IFT74: variants seen among roughly 807,000 people sequenced by gnomAD.
IFT74 encodes the protein intraflagellar transport protein 74 homolog.
IFT74 carries 92 observed loss-of-function variants against 96.7 expected under a neutral mutation model. The ratio of observed to expected loss-of-function variants is 0.95; its 90% CI spans 0.80 to 1.13. The LOEUF (loss-of-function observed/expected upper bound fraction) is 1.13, where lower values mean the gene tolerates loss of function less well. IFT74 is among the 50% of genes most tolerant of loss of function. The pLI is 0.00. For missense variants in IFT74, 811 were observed against 698.2 expected, an observed-to-expected ratio of 1.16 and a Z score of -1.82; for synonymous variants, 223 against 213.2, an observed-to-expected ratio of 1.05 and a Z score of -0.40.
intron 18 of IFT74, among the ~76,000 whole-genome samples, chr9:27,057,421 T>C (rs539171698): frequency 2.0e-5 from 3 of 152,330 alleles, no homozygotes; most frequent in Non-Finnish European, 4.4e-5. Context: ...ACTCAGCAAT[T>C]ATTTGTTGAA....
At chr9:27,054,922 T>C (rs1040331636) in intron 16 of IFT74, among the ~76,000 whole-genome samples, 2 of 152,214 alleles carry the variant, frequency 1.3e-5, no homozygotes, top group Admixed American at 1.3e-4. Flanking sequence ...CATAGCCTTA[T>C]GGAGAAAATG....
intron 8 of IFT74, 121 bp from the exon 9 acceptor site, chr9:27,008,899 T>C (rs1828916693): frequency 2.6e-6 from 2 of 758,608 alleles, no homozygotes; most frequent in Admixed American, 3.1e-5. Flanking sequence ...GACTTTTCAG[T>C]CACACACTGT....
At position 26,978,627 on chromosome 9, in the gene IFT74, A is replaced by C. The variant is rs77035983; in HGVS notation, c.256+364A>C. On this transcript the variant is annotated intron_variant, in intron 3 of 19. Transcript: ENST00000380062. ...AAGAACTTTGAAATAGTCTTGGAGA[A>C]AAGTTCAAGATTGAAAATTAGATTT... 1.0e-3 allele frequency among the ~76,000 whole-genome samples: 154 copies of C among 152,312 alleles called. 4 individuals carry two copies. In the East Asian group the frequency reaches 0.019, roughly 19 times the overall value.
At chr9:27,001,610 G>A (rs1477999730) in intron 8 of IFT74, among the ~76,000 whole-genome samples, 1 of 152,094 alleles carries the variant, frequency 6.6e-6, no homozygotes, top group East Asian at 1.9e-4. Flanking sequence ...TGTGTTTTTT[G>A]AGAAATATCT....
chr9:27,007,728 G>A (rs1438067460), intron 8 of IFT74, among the ~76,000 whole-genome samples: 3 of 152,178 alleles, frequency 2.0e-5, no homozygotes, highest in Admixed American at 2.0e-4. Flanking sequence ...AAGCTTAGCT[G>A]GTGATTGTGA....
chr9:27,026,208 C>G (rs1426584620), intron 12 of IFT74, among the ~76,000 whole-genome samples: 1 of 152,084 alleles, frequency 6.6e-6, no homozygotes, highest in Non-Finnish European at 1.5e-5. Flanking sequence ...ACAAAACAGA[C>G]TTTAACAACA....
intron 16 of IFT74, among the ~76,000 whole-genome samples, chr9:27,048,936 G>T (rs1488397760): frequency 6.6e-6 from 1 of 152,168 alleles, no homozygotes; most frequent in Non-Finnish European, 1.5e-5. Flanking sequence ...TAGTGTGGGA[G>T]GTGGGCCTAG....
chr9:26,978,026 T>C, intron 2 of IFT74, 102 bp from the exon 3 acceptor site: 2 of 889,674 alleles, frequency 2.2e-6, no homozygotes, highest in Non-Finnish European at 3.3e-6. Flanking sequence ...ACAAATCAAG[T>C]AGAATTTTGT....
At chr9:27,027,762 T>C (rs1028480914) in intron 12 of IFT74, among the ~76,000 whole-genome samples, 1 of 152,180 alleles carries the variant, frequency 6.6e-6, no homozygotes, top group African/African-American at 2.4e-5. Flanking sequence ...ATTCTATGAA[T>C]TATCTTTTCA....
rs988829241 is a variant in IFT74, at chr9:27,009,673, A to C, written c.726+515A>C. 2.0e-5 allele frequency among the ~76,000 whole-genome samples: 3 copies of C among 149,268 alleles called. No individual in the cohort carries two copies. In the South Asian group the frequency reaches 6.3e-4, roughly 32 times the overall value. On this transcript the variant is annotated intron_variant, in intron 9 of 19. Coordinates refer to ENST00000380062, the MANE Select transcript of IFT74 (RefSeq NM_025103.4). ...GGCAACAGAGCGAGACTCTGTCTCA[A>C]AAAAAAAAAGGCCTCATAGACCAGA...
chr9:26,992,629 G>A (rs1458425178), intron 8 of IFT74, among the ~76,000 whole-genome samples: 1 of 151,994 alleles, frequency 6.6e-6, no homozygotes, highest in African/African-American at 2.4e-5. Flanking sequence ...GGAGGCGGAG[G>A]GTTCAGTAAG....
At chr9:27,012,017 T>G (rs975128762) in intron 10 of IFT74, 49 bp downstream of exon 10, 9 of 1,190,476 alleles carry the variant, frequency 7.6e-6, no homozygotes, top group African/African-American at 1.6e-5. Flanking sequence ...GCTAAAAAAG[T>G]TAATTCAGCC....
intron 13 of IFT74, among the ~76,000 whole-genome samples, chr9:27,042,969 C>T (rs887732390): frequency 1.3e-5 from 2 of 152,208 alleles, no homozygotes; most frequent in Non-Finnish European, 2.9e-5. Context: ...TATATAAACA[C>T]ACACACATAT....
At chr9:27,021,689 TC>T (rs933302867) in intron 12 of IFT74, among the ~76,000 whole-genome samples, 9 of 152,172 alleles carry the variant, frequency 5.9e-5, no homozygotes, top group African/African-American at 2.2e-4. Context: ...GATTTTTTTT[TC>T]TTGCTGATTT....
rs1177926588 is a variant in IFT74 at position 26,988,652 on chromosome 9, T to C, written c.466-17T>C. 2.6e-6 allele frequency: 4 copies of C among 1,537,358 alleles called. No homozygotes were observed. Among genetic ancestry groups the C allele is most frequent in the Middle Eastern group, 1.7e-4 (1 of 5,842 alleles). The stretch of plus-strand genomic sequence containing the variant: ...ACTAACAAAATGGTGTTTGTTTGTT[T>C]GTATTTTTGTTTTTAGTTGGTAGAT... On this transcript the variant is annotated splice_polypyrimidine_tract_variant and intron_variant, in intron 6 of 19. Transcript: ENST00000380062.
intron 2 of IFT74, among the ~76,000 whole-genome samples, chr9:26,972,398 A>T (rs1317170625): frequency 6.6e-6 from 1 of 152,180 alleles, no homozygotes; most frequent in African/African-American, 2.4e-5. Context: ...TCCACAGGTG[A>T]CTGGGTCTAA....
Position 27,055,895 on chromosome 9 carries a change from G to C in IFT74, c.1497+123G>C, listed in dbSNP as rs2131703695. On this transcript the variant is annotated intron_variant, in intron 17 of 19. Coordinates refer to ENST00000380062, the MANE Select transcript of IFT74 (RefSeq NM_025103.4). ...TTGATTATTTTATATATATAAGTGA[G>C]AAAAAATAAAAATGTTTACATATGT... 3 of 610,774 alleles carry C rather than the reference G, an allele frequency of 4.9e-6. No homozygotes were observed. In the South Asian group the frequency reaches 1.5e-4, roughly 30 times the overall value. The allele number at this position is 610,774 out of a possible 1,614,324, so 37.8% of individuals were successfully genotyped here.
intron 12 of IFT74, among the ~76,000 whole-genome samples, chr9:27,019,801 T>A (rs550614406): frequency 6.6e-6 from 1 of 151,928 alleles, no homozygotes; most frequent in Non-Finnish European, 1.5e-5. Flanking sequence ...TACCTAGGAG[T>A]GGAATTGCTG....
intron 18 of IFT74, among the ~76,000 whole-genome samples, chr9:27,057,340 C>T (rs1005517792): frequency 8.5e-5 from 13 of 152,074 alleles, no homozygotes; most frequent in East Asian, 1.9e-4. Context: ...AGAGCTCTGA[C>T]GGGACAGAGA....
Sources: gnomAD v4.1 joint callset for allele counts (sites outside exome capture counted in the v4.1 genomes callset) on GRCh38, gnomAD v4.1.1 for gene constraint, MANE v1.5 for transcripts, NCBI Gene and HGNC (gene_info 2026-07-23, HGNC 2026-07-21) for gene names.